Variants in BMPR1B observed in about 807,000 individuals in gnomAD.
BMPR1B encodes bone morphogenetic protein receptor type-1B.
Under a neutral mutation model 59.1 loss-of-function variants are expected in BMPR1B, and 12 were observed. The observed-to-expected ratio is 0.20, with a 90% CI of 0.13 to 0.33. BMPR1B has a LOEUF of 0.33. BMPR1B is among the 10% of genes least tolerant of loss of function. The probability of loss-of-function intolerance (pLI) is 1.00; values close to 1 mark genes in which losing one functional copy is unlikely to be tolerated. For missense variants in BMPR1B, 550 were observed against 610.9 expected (o/e 0.90, Z 1.05); for synonymous variants, 237 against 207.3 (o/e 1.14, Z -1.23).
Position 94,788,773 on chromosome 4 carries a change from C to T in BMPR1B, c.-183+30705C>T, listed in dbSNP as rs142731458. 4.1e-3 allele frequency among the ~76,000 whole-genome samples: 629 copies of T among 152,270 alleles called. 6 individuals carry two copies. Among genetic ancestry groups the T allele is most frequent in the African/African-American group, 0.015 (605 of 41,550 alleles). On this transcript the variant is annotated intron_variant, in intron 1 of 12. Coordinates refer to ENST00000515059, the MANE Select transcript of BMPR1B (RefSeq NM_001203.3). ...ATAAGAGAGTGCAAATTAATCTGAG[C>T]GACAGAAGGAGAGGATTGCACCAGA...
At chr4:95,021,277 A>G (rs545808445) in intron 3 of BMPR1B, among the ~76,000 whole-genome samples, 3 of 152,230 alleles carry the variant, frequency 2.0e-5, no homozygotes, top group Non-Finnish European at 2.9e-5. Context: ...CTTGGCCTAG[A>G]AAGAATGCAG....
chr4:94,950,517 G>C (rs963115817), intron 2 of BMPR1B, among the ~76,000 whole-genome samples: 13 of 152,246 alleles, frequency 8.5e-5, no homozygotes, highest in South Asian at 6.2e-4. Context: ...TGGCTAGCCA[G>C]TTTTCCCAAC....
intron 3 of BMPR1B, among the ~76,000 whole-genome samples, chr4:95,072,303 T>C (rs889748155): frequency 2.0e-5 from 3 of 152,180 alleles, no homozygotes; most frequent in Admixed American, 6.5e-5. Flanking sequence ...AAAGACACCC[T>C]CACTTACATA....
At chr4:95,123,205 A>G (rs556575292) in intron 6 of BMPR1B, among the ~76,000 whole-genome samples, 3 of 152,306 alleles carry the variant, frequency 2.0e-5, no homozygotes, top group Non-Finnish European at 4.4e-5. Flanking sequence ...TGGCTGGAAC[A>G]TATACATTCT....
chr4:95,095,586 C>A (rs1020871601), intron 3 of BMPR1B, among the ~76,000 whole-genome samples: 1 of 151,948 alleles, frequency 6.6e-6, no homozygotes, highest in African/African-American at 2.4e-5. Context: ...TGATGAGAAT[C>A]AACATTTGGT....
At chr4:94,965,024 G>C (rs1730503812) in intron 2 of BMPR1B, among the ~76,000 whole-genome samples, 1 of 152,022 alleles carries the variant, frequency 6.6e-6, no homozygotes. Context: ...ATACCTCTGT[G>C]TTTTGCATCT....
intron 3 of BMPR1B, among the ~76,000 whole-genome samples, chr4:95,077,027 G>A (rs934319846): frequency 5.9e-5 from 9 of 152,030 alleles, no homozygotes; most frequent in Non-Finnish European, 1.2e-4. Flanking sequence ...TCTTTAGAAG[G>A]CAGCAGTGCA....
intron 2 of BMPR1B, among the ~76,000 whole-genome samples, chr4:94,932,644 T>A (rs1312042448): frequency 6.6e-6 from 1 of 152,102 alleles, no homozygotes; most frequent in East Asian, 1.9e-4. Context: ...CATACACCCC[T>A]TTTTTGGCCT....
intron 2 of BMPR1B, among the ~76,000 whole-genome samples, chr4:94,971,719 G>A (rs1324477562): frequency 6.6e-6 from 1 of 151,508 alleles, no homozygotes; most frequent in Non-Finnish European, 1.5e-5. Context: ...TAAATTTCAA[G>A]ATTAATCTAA....
At chr4:94,890,731 C>A (rs141033355) in intron 2 of BMPR1B, among the ~76,000 whole-genome samples, 1 of 152,014 alleles carries the variant, frequency 6.6e-6, no homozygotes, top group Non-Finnish European at 1.5e-5. Flanking sequence ...AGCGTCCTTA[C>A]GTGGTGAAGA....
intron 3 of BMPR1B, among the ~76,000 whole-genome samples, chr4:95,081,104 G>A (rs1330852196): frequency 3.9e-5 from 6 of 152,100 alleles, no homozygotes; most frequent in African/African-American, 1.4e-4. Context: ...GAGTTTATAA[G>A]GGGCTTTTCT....
chr4:95,029,926 G>T (rs561913755), intron 3 of BMPR1B, among the ~76,000 whole-genome samples: 1 of 152,082 alleles, frequency 6.6e-6, no homozygotes, highest in Non-Finnish European at 1.5e-5. Flanking sequence ...TTTGAGAAGT[G>T]TCTGTTCATA....
At chr4:95,098,720 T>C (rs550436090) in intron 3 of BMPR1B, among the ~76,000 whole-genome samples, 22 of 152,146 alleles carry the variant, frequency 1.4e-4, no homozygotes, top group Non-Finnish European at 2.5e-4. Flanking sequence ...ATCAAGTATT[T>C]ATTTATTTAT....
At chr4:94,880,493 G>A (rs953646285) in intron 2 of BMPR1B, among the ~76,000 whole-genome samples, 1 of 151,744 alleles carries the variant, frequency 6.6e-6, no homozygotes, top group African/African-American at 2.4e-5. Context: ...GAGTAATTTT[G>A]TTTTGTTTTT....
In BMPR1B at chr4:95,104,391, A is replaced by G; in HGVS notation, c.-17-17A>G. On this transcript the variant is annotated splice_polypyrimidine_tract_variant and intron_variant, in intron 3 of 12. Coordinates refer to ENST00000515059, the MANE Select transcript of BMPR1B (RefSeq NM_001203.3). ...TCTACCCCACAGATGCCTAACTCTC[A>G]CTATTTCTTCTTTCAGCAAACTTCC... 1 of 1,612,310 alleles carries G rather than the reference A, an allele frequency of 6.2e-7. No homozygotes were observed. The highest frequency in any genetic ancestry group is 8.5e-7 in the Non-Finnish European group (1 of 1,178,992).
At chr4:94,940,056 C>T (rs186080338) in intron 2 of BMPR1B, among the ~76,000 whole-genome samples, 1 of 152,158 alleles carries the variant, frequency 6.6e-6, no homozygotes, top group Admixed American at 6.5e-5. Context: ...AACACTAATG[C>T]ATTTGGGAGG....
At chr4:94,857,972 G>A (rs1218714253) in intron 1 of BMPR1B, among the ~76,000 whole-genome samples, 3 of 152,130 alleles carry the variant, frequency 2.0e-5, no homozygotes, top group Non-Finnish European at 4.4e-5. Flanking sequence ...TTGAGACGGA[G>A]TCTCGCTCTG....
chr4:95,062,769 G>T (rs551762204), intron 3 of BMPR1B, among the ~76,000 whole-genome samples: 1 of 152,192 alleles, frequency 6.6e-6, no homozygotes, highest in East Asian at 1.9e-4. Flanking sequence ...ATGGCTTTGG[G>T]CAATTGCTGT....
In BMPR1B at chr4:95,104,356, A is replaced by C. The variant is rs776006262; in HGVS notation, c.-17-52A>C. On this transcript the variant is annotated intron_variant, in intron 3 of 12. Coordinates refer to ENST00000515059, the MANE Select transcript of BMPR1B (RefSeq NM_001203.3). ...TCTCATGTTTTCGTTTGAACAGAAG[A>C]CTGGGGTAGTCTACCCCACAGATGC... The C allele has an allele frequency of 1.4e-5, 22 of 1,558,262 alleles. No individual in the cohort carries two copies. In the Admixed American group the frequency reaches 2.5e-4, roughly 18 times the overall value.
Sources: gnomAD v4.1 joint callset for allele counts (sites outside exome capture counted in the v4.1 genomes callset) on GRCh38, gnomAD v4.1.1 for gene constraint, MANE v1.5 for transcripts, NCBI Gene and HGNC (gene_info 2026-07-23, HGNC 2026-07-21) for gene names.